The following PRMT3 variants were observed in gnomAD, a reference collection of about 807,000 sequenced individuals.
The protein encoded by PRMT3 is protein arginine methyltransferase 3.
In PRMT3, 62 loss-of-function variants were observed where a neutral mutation model predicts 71.9. The ratio of observed to expected loss-of-function variants is 0.86; its 90% CI spans 0.70 to 1.07. PRMT3 has a LOEUF of 1.07. Among genes scored for constraint, PRMT3 ranks in the 50% least tolerant of loss-of-function variants. PRMT3 has a pLI of 0.00. For synonymous variants in PRMT3, 213 were observed against 220.4 expected, an observed-to-expected ratio of 0.97 and a Z score of 0.30; for missense variants, 663 against 643.0, an observed-to-expected ratio of 1.03 and a Z score of -0.34.
chr11:20,434,223 T>G (rs1849716395), intron 10 of PRMT3, among the ~76,000 whole-genome samples: 1 of 152,154 alleles, frequency 6.6e-6, no homozygotes, highest in Non-Finnish European at 1.5e-5. Flanking sequence ...TTAATGGGGT[T>G]GTTTGCTTTT....
intron 9 of PRMT3, among the ~76,000 whole-genome samples, chr11:20,414,142 C>G (rs747390309): frequency 5.9e-5 from 9 of 152,012 alleles, no homozygotes; most frequent in Non-Finnish European, 1.2e-4. Flanking sequence ...CCCTTGAGAC[C>G]AAGGAGTTTA....
At chr11:20,474,689 C>T (rs796376315) in intron 13 of PRMT3, among the ~76,000 whole-genome samples, 12 of 152,306 alleles carry the variant, frequency 7.9e-5, no homozygotes, top group African/African-American at 2.9e-4. Context: ...CTGAGTGTTC[C>T]TTTGGCTTCG....
chr11:20,426,830 G>C lies in PRMT3; in HGVS notation c.958G>C (p.Val320Leu), dbSNP rs1849557135. 1 of 1,528,652 alleles carries C rather than the reference G, an allele frequency of 6.5e-7. No individual in the cohort carries two copies. The highest frequency in any genetic ancestry group is 8.7e-7 in the Non-Finnish European group (1 of 1,149,776). 94.7% of individuals were successfully genotyped at this position (1,528,652 alleles called of 1,614,324 possible). Residue 320 changes from valine to leucine, a missense_variant, in exon 10 of 16, where the codon GTA becomes CTA. Coordinates refer to ENST00000331079, the MANE Select transcript of PRMT3 (RefSeq NM_005788.4). The part of the protein sequence containing the change: ...KGKIEEVHLP[V>L]EKVDVIISEW... ...AAAGATTGAAGAAGTTCATCTTCCT[G>C]TAGAAAAAGTAGATGTTATCATATC... is the stretch of plus-strand genomic sequence containing the variant.
At chr11:20,439,757 A>G (rs1469338012) in intron 10 of PRMT3, among the ~76,000 whole-genome samples, 1 of 152,228 alleles carries the variant, frequency 6.6e-6, no homozygotes, top group Non-Finnish European at 1.5e-5. Flanking sequence ...AAAAATCTCA[A>G]CCATGTTTAT....
intron 8 of PRMT3, chr11:20,405,381 T>C (rs1326082739): frequency 6.6e-6 from 1 of 152,214 alleles, no homozygotes; most frequent in African/African-American, 2.4e-5. Context: ...ATGTTCATTC[T>C]ATTTCTACCT....
At chr11:20,498,244 G>T in intron 15 of PRMT3, among the ~76,000 whole-genome samples, 1 of 152,186 alleles carries the variant, frequency 6.6e-6, no homozygotes, top group East Asian at 1.9e-4. Context: ...ATAGGGTAAG[G>T]TGAGGCAATG....
chr11:20,482,942 C>G (rs1401054326), intron 13 of PRMT3, among the ~76,000 whole-genome samples: 1 of 152,002 alleles, frequency 6.6e-6, no homozygotes, highest in Non-Finnish European at 1.5e-5. Flanking sequence ...AGTTCCCACT[C>G]TATATATCAG....
At chr11:20,426,470 T>G (rs1849548905) in intron 9 of PRMT3, among the ~76,000 whole-genome samples, 1 of 152,210 alleles carries the variant, frequency 6.6e-6, no homozygotes. Context: ...CACCACTGTG[T>G]TGTTTGTTTT....
chr11:20,408,105 T>C, intron 9 of PRMT3, 73 bp downstream of exon 9: 1 of 1,147,212 alleles, frequency 8.7e-7, no homozygotes, highest in Middle Eastern at 2.8e-4. Context: ...TTCTTGTCTT[T>C]AGTAGCTATC....
chr11:20,396,629 C>CT (rs757397881), intron 6 of PRMT3, among the ~76,000 whole-genome samples: 5 of 151,644 alleles, frequency 3.3e-5, no homozygotes, highest in Non-Finnish European at 7.4e-5. Flanking sequence ...CAGAGCAAGA[C>CT]TTTGTCGGGG....
At chr11:20,504,740 G>GAGAGCGAGAGCGACTGAGACTCGGTC (rs1851547299) in intron 15 of PRMT3, among the ~76,000 whole-genome samples, 1 of 151,636 alleles carries the variant, frequency 6.6e-6, no homozygotes, top group South Asian at 2.1e-4. Flanking sequence ...GAGAGAGAGA[G>GAGAGCGAGAGCGACTGAGACTCGGTC]AGAGAGCGAG....
At chr11:20,498,410 G>A (rs2133460889) in intron 15 of PRMT3, among the ~76,000 whole-genome samples, 2 of 152,200 alleles carry the variant, frequency 1.3e-5, no homozygotes, top group South Asian at 4.2e-4. Context: ...ATGTAGAGAA[G>A]AACAAAGAAA....
chr11:20,495,754 A>T (rs750344054), intron 15 of PRMT3, among the ~76,000 whole-genome samples: 1 of 152,200 alleles, frequency 6.6e-6, no homozygotes, highest in Non-Finnish European at 1.5e-5. Context: ...CTTACTACAT[A>T]TAAGTCTTCT....
chr11:20,418,761 TG>T (rs1354549929), intron 9 of PRMT3, among the ~76,000 whole-genome samples: 4 of 151,426 alleles, frequency 2.6e-5, no homozygotes, highest in African/African-American at 7.3e-5. Context: ...AATACCCTTT[TG>T]AAAAAAAAAA....
chr11:20,482,183 G>C (rs2133435875), intron 13 of PRMT3, among the ~76,000 whole-genome samples: 1 of 146,346 alleles, frequency 6.8e-6, no homozygotes, highest in East Asian at 1.9e-4. Flanking sequence ...TAATGCTTCT[G>C]AATTTCTGTA....
intron 10 of PRMT3, among the ~76,000 whole-genome samples, chr11:20,434,764 G>A (rs867399883): frequency 6.6e-6 from 1 of 152,090 alleles, no homozygotes; most frequent in Non-Finnish European, 1.5e-5. Flanking sequence ...TACCAGTACT[G>A]TGCTGTTTTT....
chr11:20,388,136 C>T lies in PRMT3; in HGVS notation c.146C>T (p.Pro49Leu). 5.0e-6 allele frequency: 8 copies of T among 1,613,982 alleles called. No individual in the cohort carries two copies. The highest frequency in any genetic ancestry group is 5.9e-6 in the Non-Finnish European group (7 of 1,180,004). The change falls in exon 2 of 16, where the codon CCC (proline) becomes CTC (leucine). Residue 49 changes from proline to leucine, a missense_variant. Transcript: ENST00000331079. ...CTCCCCCACGGCAAGCAGCAGACCCCCTGCCTGTTCTGTAACAGGTTCGTC... is the reference window on the plus strand; with the variant it reads ...CTCCCCCACGGCAAGCAGCAGACCCTCTGCCTGTTCTGTAACAGGTTCGTC... ...ADLPHGKQQT[P>L]CLFCNRLFTS...
In PRMT3 at chr11:20,493,633, C is replaced by A. The variant is rs1279957778; in HGVS notation, c.1348-286C>A. On this transcript the variant is annotated intron_variant, in intron 13 of 15. Transcript: ENST00000331079. The stretch of plus-strand genomic sequence containing the variant: ...TGAGGGGCCAGCTGAGTCTCTCTCT[C>A]CATGTGTGTTCACCTTTCAGTGGTC... 2.7e-5 allele frequency among the ~76,000 whole-genome samples: 4 copies of A among 150,942 alleles called. No individual in the cohort carries two copies. The Admixed American group carries it at 2.7e-4, about 10-fold the overall frequency.
intron 4 of PRMT3, 73 bp from the exon 5 acceptor site, chr11:20,392,824 T>A (rs553196855): frequency 1.0e-6 from 1 of 966,726 alleles, no homozygotes; most frequent in South Asian, 1.5e-5. Context: ...TTTGTTTAAT[T>A]TCTGTAGTTT....
Sources: allele counts gnomAD v4.1 joint callset (sites outside exome capture counted in the v4.1 genomes callset), GRCh38; gene constraint gnomAD v4.1.1; transcripts MANE v1.5; gene names NCBI Gene and HGNC (gene_info 2026-07-23, HGNC 2026-07-21).